Variants in SLC2A13 observed in about 807,000 individuals in gnomAD.
SLC2A13 encodes solute carrier family 2 member 13, also known as proton myo-inositol cotransporter.
SLC2A13 carries 32 observed loss-of-function variants against 64.4 expected under a neutral mutation model. The observed-to-expected ratio is 0.50, with a 90% CI of 0.37 to 0.67. The LOEUF is 0.67. Ranked by LOEUF, SLC2A13 falls within the 30% of genes least tolerant of loss-of-function variation. SLC2A13 has a pLI of 0.00. For synonymous variants in SLC2A13, 338 were observed against 327.1 expected, an observed-to-expected ratio of 1.03 and a Z score of -0.36; for missense variants, 743 against 829.2, an observed-to-expected ratio of 0.90 and a Z score of 1.28.
intron 4 of SLC2A13, among the ~76,000 whole-genome samples, chr12:39,939,245 G>C (rs532796044): frequency 5.3e-5 from 8 of 152,184 alleles, no homozygotes; most frequent in African/African-American, 1.7e-4. Context: ...CCTTGTCTTA[G>C]GGCCTGGTTT....
chr12:40,001,507 C>A (rs1195771650), intron 3 of SLC2A13, among the ~76,000 whole-genome samples: 1 of 152,242 alleles, frequency 6.6e-6, no homozygotes, highest in African/African-American at 2.4e-5. Context: ...TTCACTCTCC[C>A]AATGACTCTG....
At position 40,106,040 on chromosome 12, in the gene SLC2A13, A is replaced by C; in HGVS notation, c.-232T>G. 2 of 382,744 alleles carry C rather than the reference A, an allele frequency of 5.2e-6. No homozygotes were observed. Among genetic ancestry groups the C allele is most frequent in the Non-Finnish European group, 8.9e-6 (2 of 225,026 alleles). 23.7% of individuals were successfully genotyped at this position (382,744 alleles called of 1,614,324 possible). On this transcript the variant is annotated 5_prime_UTR_variant, in exon 1 of 10. Coordinates refer to ENST00000280871, the MANE Select transcript of SLC2A13 (RefSeq NM_052885.4). ...TGGAGCCCGGCGGGTCTCACTCCAC[A>C]CTCACGCCCCGCGCCTGCCGAGCTG...
intron 3 of SLC2A13, among the ~76,000 whole-genome samples, chr12:39,966,138 T>TATAG (rs1555143743): frequency 1.6e-4 from 24 of 148,592 alleles, no homozygotes; most frequent in Non-Finnish European, 2.8e-4. Context: ...TATATATATA[T>TATAG]AGAGAGAGAG....
chr12:39,977,057 A>T (rs1365837694), intron 3 of SLC2A13, among the ~76,000 whole-genome samples: 1 of 152,228 alleles, frequency 6.6e-6, no homozygotes, highest in Non-Finnish European at 1.5e-5. Flanking sequence ...TGGATTTCAT[A>T]GAGTTTGACA....
At chr12:39,982,620 G>C (rs961603862) in intron 3 of SLC2A13, among the ~76,000 whole-genome samples, 4 of 149,412 alleles carry the variant, frequency 2.7e-5, no homozygotes, top group South Asian at 2.1e-4. Context: ...CAACTTACAA[G>C]GGATGTGAAG....
intron 4 of SLC2A13, among the ~76,000 whole-genome samples, chr12:39,913,562 G>A (rs958301876): frequency 2.6e-5 from 4 of 151,326 alleles, no homozygotes; most frequent in Non-Finnish European, 5.9e-5. Context: ...AAGAAAGGTT[G>A]ATGGAAGAGA....
intron 6 of SLC2A13, among the ~76,000 whole-genome samples, chr12:39,861,620 T>A (rs948654636): frequency 6.6e-6 from 1 of 152,176 alleles, no homozygotes; most frequent in Admixed American, 6.5e-5. Flanking sequence ...AATAGAACAT[T>A]AGTAATTTGA....
Position 39,772,006 on chromosome 12 carries a change from C to T in SLC2A13, c.1446-7148G>A, listed in dbSNP as rs570089884. 6.2e-4 allele frequency among the ~76,000 whole-genome samples: 94 copies of T among 152,222 alleles called. 1 individual carries two copies. Among genetic ancestry groups the T allele is most frequent in the African/African-American group, 2.2e-3 (93 of 41,534 alleles). Reference sequence around the variant, plus strand: ...CTACCATCAATTCCTACCTCATCACCCAAGGCCTGTGTGGATGCTACCCAT... The same window carrying T: ...CTACCATCAATTCCTACCTCATCACTCAAGGCCTGTGTGGATGCTACCCAT... On this transcript the variant is annotated intron_variant, in intron 7 of 9. Coordinates refer to ENST00000280871, the MANE Select transcript of SLC2A13 (RefSeq NM_052885.4).
At chr12:39,985,022 T>G (rs1308133541) in intron 3 of SLC2A13, among the ~76,000 whole-genome samples, 3 of 152,184 alleles carry the variant, frequency 2.0e-5, no homozygotes, top group Non-Finnish European at 4.4e-5. Context: ...CCAGTTTGCT[T>G]CTGTTACCTA....
chr12:40,026,484 T>C (rs1279137630), intron 3 of SLC2A13, among the ~76,000 whole-genome samples: 1 of 152,224 alleles, frequency 6.6e-6, no homozygotes, highest in East Asian at 1.9e-4. Flanking sequence ...CATTTGGTTA[T>C]ATATTCCGAA....
At chr12:39,919,181 G>A (rs921259459) in intron 4 of SLC2A13, among the ~76,000 whole-genome samples, 1 of 151,906 alleles carries the variant, frequency 6.6e-6, no homozygotes, top group Non-Finnish European at 1.5e-5. Flanking sequence ...CCTGGGCCTC[G>A]GTCTCCCAAA....
intron 3 of SLC2A13, among the ~76,000 whole-genome samples, chr12:39,993,914 A>C (rs1490934428): frequency 1.3e-5 from 2 of 152,218 alleles, no homozygotes; most frequent in African/African-American, 4.8e-5. Context: ...ATCTAATTGA[A>C]AAGCAAGGAG....
At chr12:40,084,237 ACAAATACTTC>A (rs1315829989) in intron 1 of SLC2A13, among the ~76,000 whole-genome samples, 2 of 152,262 alleles carry the variant, frequency 1.3e-5, no homozygotes, top group African/African-American at 4.8e-5. Context: ...CTTTCTTCTT[ACAAATACTTC>A]CAACTTCTGC....
chr12:39,917,463 TGTCA>T (rs1259825110), intron 4 of SLC2A13, among the ~76,000 whole-genome samples: 4 of 152,080 alleles, frequency 2.6e-5, no homozygotes, highest in Non-Finnish European at 5.9e-5. Context: ...TGTGTGTGTC[TGTCA>T]GGGTGTTTCT....
At chr12:39,996,959 C>A (rs1444369085) in intron 3 of SLC2A13, among the ~76,000 whole-genome samples, 1 of 152,100 alleles carries the variant, frequency 6.6e-6, no homozygotes, top group Non-Finnish European at 1.5e-5. Context: ...GACCATACTG[C>A]CAAAAGCAAT....
intron 3 of SLC2A13, among the ~76,000 whole-genome samples, chr12:39,952,555 AG>A (rs1246771889): frequency 6.6e-6 from 1 of 152,202 alleles, no homozygotes; most frequent in East Asian, 1.9e-4. Context: ...GAAATATTAT[AG>A]GGGTGAGAAT....
At chr12:40,010,633 C>G (rs28370763) in intron 3 of SLC2A13, among the ~76,000 whole-genome samples, 3,526 of 152,298 alleles carry the variant, frequency 0.023, 147 homozygotes, top group African/African-American at 0.08. Flanking sequence ...CTTGCCCACA[C>G]TTTGAGAGCA....
chr12:39,969,510 T>TC (rs2136127381), intron 3 of SLC2A13, among the ~76,000 whole-genome samples: 1 of 152,364 alleles, frequency 6.6e-6, no homozygotes, highest in African/African-American at 2.4e-5. Context: ...TGTGAGATGA[T>TC]ATCTCACTGT....
At chr12:40,021,027 C>T (rs112181551) in intron 3 of SLC2A13, among the ~76,000 whole-genome samples, 1 of 151,762 alleles carries the variant, frequency 6.6e-6, no homozygotes, top group East Asian at 1.9e-4. Flanking sequence ...AGTCACAATT[C>T]TTTCTGCATG....
Sources: gnomAD v4.1 joint callset for allele counts (sites outside exome capture counted in the v4.1 genomes callset) on GRCh38, gnomAD v4.1.1 for gene constraint, MANE v1.5 for transcripts, NCBI Gene and HGNC (gene_info 2026-07-23, HGNC 2026-07-21) for gene names.